Variants in NAP1L1 observed in about 807,000 individuals in gnomAD.
The protein encoded by NAP1L1 is nucleosome assembly protein 1-like 1.
In NAP1L1, 9 loss-of-function variants were observed where a neutral mutation model predicts 58.9. The observed-to-expected ratio is 0.15, with a 90% CI of 0.09 to 0.27. The LOEUF (loss-of-function observed/expected upper bound fraction) is 0.27, where lower values mean the gene tolerates loss of function less well. Among genes scored for constraint, NAP1L1 ranks in the 10% least tolerant of loss-of-function variants. NAP1L1 has a pLI of 1.00. For missense variants in NAP1L1, 302 were observed against 458.8 expected, an observed-to-expected ratio of 0.66 and a Z score of 3.12; for synonymous variants, 130 against 138.3, an observed-to-expected ratio of 0.94 and a Z score of 0.42.
chr12:76,056,005 A>T, intron 7 of NAP1L1, 28 bp downstream of exon 7: 1 of 1,608,676 alleles, frequency 6.2e-7, no homozygotes, highest in Non-Finnish European at 8.5e-7. Flanking sequence ...CCTTCAAAGT[A>T]AACTGGTACA....
intron 2 of NAP1L1, among the ~76,000 whole-genome samples, chr12:76,071,830 C>T (rs1333115081): frequency 6.6e-6 from 1 of 151,862 alleles, no homozygotes; most frequent in African/African-American, 2.4e-5. Context: ...CAGACACAGT[C>T]AACAGTATCA....
At position 76,040,585 on chromosome 12, in the gene NAP1L1, G is replaced by A. The variant is rs760268409; in HGVS notation, c.*7844C>T. 3.3e-5 allele frequency: 5 copies of A among 151,464 alleles called. No homozygotes were observed. Among genetic ancestry groups the A allele is most frequent in the Non-Finnish European group, 7.3e-5 (5 of 68,212 alleles). The allele number at this position is 151,464 out of a possible 1,614,324, so 9.4% of individuals were successfully genotyped here. A position where few individuals can be genotyped will look rare whatever the true frequency, so the allele number is the denominator to read the frequency against. On this transcript the variant is annotated 3_prime_UTR_variant, in exon 15 of 15. Transcript: ENST00000618691. The stretch of plus-strand genomic sequence containing the variant: ...GGTTGGAGTGCAGTGGCACTATCTC[G>A]GCTCACTGCAACCTCCACCTCCCGA...
chr12:76,074,414 C>T, intron 1 of NAP1L1, 175 bp from the exon 2 acceptor site: 1 of 935,874 alleles, frequency 1.1e-6, no homozygotes, highest in Non-Finnish European at 1.3e-6. Context: ...CAAATTCTTC[C>T]TTACTAGTAC....
intron 4 of NAP1L1, among the ~76,000 whole-genome samples, chr12:76,062,559 A>C (rs1258711057): frequency 6.6e-6 from 1 of 152,228 alleles, no homozygotes; most frequent in African/African-American, 2.4e-5. Flanking sequence ...TTGACATGCA[A>C]CAAGACCAAG....
At chr12:76,074,139 T>C in intron 2 of NAP1L1, 64 bp downstream of exon 2, 1 of 1,279,840 alleles carries the variant, frequency 7.8e-7, no homozygotes, top group Non-Finnish European at 1.1e-6. Context: ...TACTACTTGC[T>C]GTTAAGAACA....
rs1390556033 is a variant in NAP1L1 at position 76,038,056 on chromosome 12, C to T, written c.*10373G>A. 6.6e-6 allele frequency: 1 copy of T among 152,104 alleles called. No individual in the cohort carries two copies. Among genetic ancestry groups the T allele is most frequent in the East Asian group, 1.9e-4 (1 of 5,194 alleles). The allele number at this position is 152,104 out of a possible 1,614,324, so 9.4% of individuals were successfully genotyped here. The stretch of plus-strand genomic sequence containing the variant: ...TGAAGTGACAAACGAAAATATGGAA[C>T]TGGATGAAATGGAGCAGAGAGGAAG... On this transcript the variant is annotated 3_prime_UTR_variant, in exon 15 of 15. Coordinates refer to ENST00000618691, the MANE Select transcript of NAP1L1 (RefSeq NM_004537.7).
intron 2 of NAP1L1, 98 bp downstream of exon 2, chr12:76,074,102 AACT>A: frequency 9.7e-7 from 1 of 1,032,574 alleles, no homozygotes; most frequent in Admixed American, 2.0e-5. Context: ...AAGCATTAGT[AACT>A]ACATTTTCAT....
At chr12:76,066,966 CAT>C (rs1227408621) in intron 4 of NAP1L1, among the ~76,000 whole-genome samples, 1 of 151,996 alleles carries the variant, frequency 6.6e-6, no homozygotes, top group African/African-American at 2.4e-5. Flanking sequence ...CTATAATTAA[CAT>C]ATAGACAGTA....
intron 13 of NAP1L1, 101 bp downstream of exon 13, chr12:76,049,655 C>A: frequency 6.4e-7 from 1 of 1,551,006 alleles, no homozygotes; most frequent in South Asian, 1.1e-5. Flanking sequence ...GTTTTTATCC[C>A]AAATCACAGA....
rs1948528474 is a variant in NAP1L1 at position 76,039,304 on chromosome 12, G to A, written c.*9125C>T. On this transcript the variant is annotated 3_prime_UTR_variant, in exon 15 of 15. Coordinates refer to ENST00000618691, the MANE Select transcript of NAP1L1 (RefSeq NM_004537.7). ...CCTTTAGCCTCCTTCAGCCCATCCT[G>A]TACCTTGAACCTGGACATGATGTAT... is the stretch of plus-strand genomic sequence containing the variant. 1 of 152,096 alleles carries A rather than the reference G, an allele frequency of 6.6e-6. No homozygotes were observed. The highest frequency in any genetic ancestry group is 2.4e-5 in the African/African-American group (1 of 41,390). 9.4% of individuals were successfully genotyped at this position (152,096 alleles called of 1,614,324 possible).
At chr12:76,067,548 C>A in intron 3 of NAP1L1, 75 bp from the exon 4 acceptor site, 4 of 1,225,010 alleles carry the variant, frequency 3.3e-6, no homozygotes, top group Non-Finnish European at 4.6e-6. Flanking sequence ...ACAATCCAAT[C>A]TCATGAAGTT....
At chr12:76,064,766 G>A (rs1250081848) in intron 4 of NAP1L1, among the ~76,000 whole-genome samples, 1 of 151,592 alleles carries the variant, frequency 6.6e-6, no homozygotes, top group Admixed American at 6.6e-5. Flanking sequence ...CAAAACTGAT[G>A]AGAGAACTTG....
At position 76,040,707 on chromosome 12, in the gene NAP1L1, A is replaced by C. The variant is rs1466370314; in HGVS notation, c.*7722T>G. On this transcript the variant is annotated 3_prime_UTR_variant, in exon 15 of 15. Coordinates refer to ENST00000618691, the MANE Select transcript of NAP1L1 (RefSeq NM_004537.7). ...CCTGAGTAGCTTGGACTACAGGCACACACCACTACCACCTACAGCTAAGTT... is the reference window on the plus strand; with the variant it reads ...CCTGAGTAGCTTGGACTACAGGCACCCACCACTACCACCTACAGCTAAGTT... 6.6e-6 allele frequency: 1 copy of C among 152,128 alleles called. No individual in the cohort carries two copies. Among genetic ancestry groups the C allele is most frequent in the Non-Finnish European group, 1.5e-5 (1 of 68,036 alleles). 9.4% of individuals were successfully genotyped at this position (152,128 alleles called of 1,614,324 possible).
chr12:76,081,943 C>A (rs1157630881), intron 1 of NAP1L1, among the ~76,000 whole-genome samples: 1 of 152,188 alleles, frequency 6.6e-6, no homozygotes, highest in Non-Finnish European at 1.5e-5. Context: ...GCTCTCATCA[C>A]AATTTAACAT....
At chr12:76,064,932 T>C (rs1473978565) in intron 4 of NAP1L1, among the ~76,000 whole-genome samples, 1 of 152,074 alleles carries the variant, frequency 6.6e-6, no homozygotes, top group African/African-American at 2.4e-5. Flanking sequence ...AAACGAAAAA[T>C]TTTAAAAGCT....
At position 76,076,549 on chromosome 12, in the gene NAP1L1, AATATATATATATATATATATATAT is replaced by A. The variant is rs58649228; in HGVS notation, c.-20-2334_-20-2311del. On this transcript the variant is annotated intron_variant, in intron 1 of 14. Coordinates refer to ENST00000618691, the MANE Select transcript of NAP1L1 (RefSeq NM_004537.7). The stretch of plus-strand genomic sequence containing the variant: ...TGCCGAAATCCCCTTTGGATATGGA[AATATATATATATATATATATATAT>A]ATATATATATATATATATATCTCCA... Among the ~76,000 whole-genome samples, 67 of 120,614 alleles carry A rather than the reference AATATATATATATATATATATATAT, an allele frequency of 5.6e-4. 1 individual carries two copies. The highest frequency in any genetic ancestry group is 9.9e-3 in the Middle Eastern group (2 of 202). 79.1% of individuals were successfully genotyped at this position (120,614 alleles called of 152,430 possible).
At position 76,067,366 on chromosome 12, in the gene NAP1L1, T is replaced by C. The variant is rs1361246586; in HGVS notation, c.206+5A>G. 2.5e-6 allele frequency: 4 copies of C among 1,594,252 alleles called. No individual in the cohort carries two copies. The highest frequency in any genetic ancestry group is 3.4e-6 in the Non-Finnish European group (4 of 1,165,402). ...AGATAAATAAGGACTATGGAAAAGC[T>C]GTACCTTTCAATGTATCCTGTTGGT... On this transcript the variant is annotated splice_donor_5th_base_variant and intron_variant, in intron 4 of 14. Coordinates refer to ENST00000618691, the MANE Select transcript of NAP1L1 (RefSeq NM_004537.7).
chr12:76,068,696 C>T (rs1311006362), intron 3 of NAP1L1: 2 of 447,136 alleles, frequency 4.5e-6, no homozygotes, highest in Non-Finnish European at 7.9e-6. Context: ...CAAACAATGA[C>T]TTCTAATTGA....
chr12:76,052,289 C>G (rs186911838), intron 11 of NAP1L1, among the ~76,000 whole-genome samples: 1 of 152,006 alleles, frequency 6.6e-6, no homozygotes, highest in Non-Finnish European at 1.5e-5. Context: ...CAAACTTGAA[C>G]ACAAACTCCA....
Sources: allele counts gnomAD v4.1 joint callset (sites outside exome capture counted in the v4.1 genomes callset), GRCh38; gene constraint gnomAD v4.1.1; transcripts MANE v1.5; gene names NCBI Gene and HGNC (gene_info 2026-07-23, HGNC 2026-07-21).